Variants in MDFIC2 observed in about 807,000 individuals in gnomAD.
The protein encoded by MDFIC2 is MyoD family inhibitor domain containing 2.
chr3:70,226,833 T>TA lies in MDFIC2; in HGVS notation c.89-20044dup, dbSNP rs201462226. 1.2e-4 allele frequency among the ~76,000 whole-genome samples: 18 copies of TA among 151,164 alleles called. No homozygotes were observed. In the East Asian group the frequency reaches 3.1e-3, roughly 26 times the overall value. On this transcript the variant is annotated intron_variant, in intron 2 of 3. Coordinates refer to ENST00000567252, the MANE Select transcript of MDFIC2 (RefSeq NM_001364677.1). The stretch of plus-strand genomic sequence containing the variant: ...ACAAAGTTTGTAGAATATGGAAGTG[T>TA]AAAAAAAATAGTGCTTAGCAGAGCA...
intron 2 of MDFIC2, among the ~76,000 whole-genome samples, chr3:70,309,164 G>T (rs1224395166): frequency 6.6e-6 from 1 of 152,078 alleles, no homozygotes; most frequent in African/African-American, 2.4e-5. Flanking sequence ...TTAATGAAAT[G>T]AATAGAATTT....
intron 2 of MDFIC2, among the ~76,000 whole-genome samples, chr3:70,209,455 T>C (rs947541420): frequency 6.6e-6 from 1 of 152,044 alleles, no homozygotes; most frequent in African/African-American, 2.4e-5. Flanking sequence ...TTATTGAACT[T>C]AAGCATCACA....
chr3:70,253,375 G>A (rs567527971), intron 2 of MDFIC2, among the ~76,000 whole-genome samples: 4 of 152,314 alleles, frequency 2.6e-5, no homozygotes, highest in Admixed American at 6.5e-5. Context: ...AAGGGGCTGA[G>A]TGGATAAAGT....
At chr3:70,295,719 A>C (rs1702283510) in intron 2 of MDFIC2, among the ~76,000 whole-genome samples, 2 of 152,228 alleles carry the variant, frequency 1.3e-5, no homozygotes, top group South Asian at 4.2e-4. Context: ...TAAATATACA[A>C]ATACTACAAT....
intron 2 of MDFIC2, among the ~76,000 whole-genome samples, chr3:70,284,898 T>C (rs1702126900): frequency 6.6e-6 from 1 of 152,102 alleles, no homozygotes; most frequent in Admixed American, 6.6e-5. Context: ...GAACTGAAAA[T>C]AAAAGTTAAA....
intron 2 of MDFIC2, among the ~76,000 whole-genome samples, chr3:70,263,807 A>T (rs966858538): frequency 1.3e-5 from 2 of 152,020 alleles, no homozygotes; most frequent in South Asian, 4.2e-4. Context: ...TCCCGTTGCT[A>T]TATCACAGTC....
chr3:70,282,059 C>T (rs1702089722), intron 2 of MDFIC2, among the ~76,000 whole-genome samples: 1 of 152,124 alleles, frequency 6.6e-6, no homozygotes, highest in Non-Finnish European at 1.5e-5. Flanking sequence ...CATATAAAGC[C>T]AATCACTGAG....
chr3:70,195,049 T>C lies in MDFIC2; in HGVS notation c.*1877A>G, dbSNP rs909253581. Among the ~76,000 whole-genome samples, 7 of 152,196 alleles carry C rather than the reference T, an allele frequency of 4.6e-5. No homozygotes were observed. The highest frequency in any genetic ancestry group is 1.7e-4 in the African/African-American group (7 of 41,464). ...ACCAGCTGGACTGAGAATTGGGTAGTGCAGGTAGTCAGAAAATTAGAACCC... is the reference window on the plus strand; with the variant it reads ...ACCAGCTGGACTGAGAATTGGGTAGCGCAGGTAGTCAGAAAATTAGAACCC... On this transcript the variant is annotated 3_prime_UTR_variant, in exon 4 of 4. Transcript: ENST00000567252.
At chr3:70,260,578 A>G (rs1048257805) in intron 2 of MDFIC2, among the ~76,000 whole-genome samples, 1 of 151,996 alleles carries the variant, frequency 6.6e-6, no homozygotes, top group Non-Finnish European at 1.5e-5. Context: ...GAAGGTCTGC[A>G]TATTTTATTT....
chr3:70,262,124 T>A (rs79032797), intron 2 of MDFIC2, among the ~76,000 whole-genome samples: 2,618 of 152,276 alleles, frequency 0.017, 76 homozygotes, highest in African/African-American at 0.06. Flanking sequence ...GCCTTCTATG[T>A]GTGTTGAGCA....
chr3:70,213,309 A>G (rs1219647538), intron 2 of MDFIC2, among the ~76,000 whole-genome samples: 1 of 152,120 alleles, frequency 6.6e-6, no homozygotes, highest in Non-Finnish European at 1.5e-5. Flanking sequence ...GCTTGTTGCT[A>G]AGTTTTTCTT....
intron 2 of MDFIC2, among the ~76,000 whole-genome samples, chr3:70,238,210 A>ACTTG (rs2106639566): frequency 6.6e-6 from 1 of 151,784 alleles, no homozygotes; most frequent in East Asian, 1.9e-4. Flanking sequence ...GTTCCCTGAC[A>ACTTG]CTTGAAATTA....
chr3:70,295,910 A>T (rs922226873), intron 2 of MDFIC2, among the ~76,000 whole-genome samples: 2 of 152,150 alleles, frequency 1.3e-5, no homozygotes, highest in African/African-American at 4.8e-5. Context: ...ATACTTGCTC[A>T]TTATATTCCT....
chr3:70,309,821 A>G (rs1233063149), intron 2 of MDFIC2, among the ~76,000 whole-genome samples: 1 of 152,188 alleles, frequency 6.6e-6, no homozygotes. Flanking sequence ...GAAGTGTCCA[A>G]ATGAGATAAA....
In MDFIC2 at chr3:70,206,731, T is replaced by G. The variant is rs1429165296; in HGVS notation, c.148A>C (p.Asn50His). 1.8e-5 allele frequency: 7 copies of G among 397,758 alleles called. No homozygotes were observed. Among genetic ancestry groups the G allele is most frequent in the Non-Finnish European group, 3.1e-5 (7 of 225,570 alleles). 24.6% of individuals were successfully genotyped at this position (397,758 alleles called of 1,614,324 possible). A position where few individuals can be genotyped will look rare whatever the true frequency, so the allele number is the denominator to read the frequency against. Residue 50 changes from asparagine to histidine, a missense_variant, in exon 3 of 4, where the codon AAT (asparagine) becomes CAT (histidine). Physicochemically the swap from Asn to His is moderately conservative, Grantham distance 68. Coordinates refer to ENST00000567252, the MANE Select transcript of MDFIC2 (RefSeq NM_001364677.1). ...GTGATATTGAAGTCAGATACTGAAT[T>G]TATAACAATAGCATTAATGGGTTTC... Reference protein sequence around the residue: ...DEKPINAIVINSVSDFNITDG... With the variant: ...DEKPINAIVIHSVSDFNITDG...
At chr3:70,255,164 G>A (rs1701803470) in intron 2 of MDFIC2, among the ~76,000 whole-genome samples, 1 of 152,158 alleles carries the variant, frequency 6.6e-6, no homozygotes. Flanking sequence ...TATCAAAGAA[G>A]TTAATTTGAT....
intron 2 of MDFIC2, among the ~76,000 whole-genome samples, chr3:70,268,730 G>A (rs955323702): frequency 1.3e-5 from 2 of 152,070 alleles, no homozygotes; most frequent in African/African-American, 4.8e-5. Context: ...ATTGATTTTG[G>A]CATCTGCTTT....
At chr3:70,256,807 A>G (rs756027492) in intron 2 of MDFIC2, among the ~76,000 whole-genome samples, 1 of 152,218 alleles carries the variant, frequency 6.6e-6, no homozygotes, top group Non-Finnish European at 1.5e-5. Context: ...TATGTAATAT[A>G]CTAATACTGG....
intron 2 of MDFIC2, among the ~76,000 whole-genome samples, chr3:70,276,051 T>G (rs1702022266): frequency 6.6e-6 from 1 of 152,130 alleles, no homozygotes; most frequent in Non-Finnish European, 1.5e-5. Flanking sequence ...TAAAAAAAAG[T>G]ATATATACTC....
Sources: allele counts gnomAD v4.1 joint callset (sites outside exome capture counted in the v4.1 genomes callset), GRCh38; gene constraint gnomAD v4.1.1; transcripts MANE v1.5; gene names NCBI Gene and HGNC (gene_info 2026-07-23, HGNC 2026-07-21).